CACNA2D1: variants seen among roughly 807,000 people sequenced by gnomAD.
CACNA2D1 encodes voltage-dependent calcium channel subunit alpha-2/delta-1.
In CACNA2D1, 53 loss-of-function variants were observed where a neutral mutation model predicts 171.5. The observed-to-expected ratio is 0.31, with a 90% confidence interval of 0.25 to 0.39. The LOEUF (loss-of-function observed/expected upper bound fraction) is 0.39, where lower values mean the gene tolerates loss of function less well. CACNA2D1 is among the 10% of genes least tolerant of loss of function. The probability of loss-of-function intolerance (pLI) is 1.00; values close to 1 mark genes in which losing one functional copy is unlikely to be tolerated. For missense variants in CACNA2D1, 903 were observed against 1,299.8 expected, an observed-to-expected ratio of 0.69 and a Z score of 4.69; for synonymous variants, 442 against 443.1, an observed-to-expected ratio of 1.00 and a Z score of 0.03.
chr7:82,260,342 A>G (rs1806909869), intron 3 of CACNA2D1, among the ~76,000 whole-genome samples: 2 of 152,212 alleles, frequency 1.3e-5, no homozygotes, highest in Admixed American at 1.3e-4. Flanking sequence ...TAATCTCACT[A>G]GGATCATATG....
intron 38 of CACNA2D1, among the ~76,000 whole-genome samples, chr7:81,955,173 C>A (rs965424421): frequency 3.3e-5 from 5 of 152,066 alleles, no homozygotes; most frequent in African/African-American, 1.2e-4. Context: ...TGGTATGGAG[C>A]TTCATAACTG....
intron 3 of CACNA2D1, 57 bp downstream of exon 3, chr7:82,335,078 T>A: frequency 1.8e-6 from 2 of 1,129,314 alleles, no homozygotes; most frequent in Non-Finnish European, 2.7e-6. Flanking sequence ...AGCATGAAAA[T>A]TAAATAATAG....
intron 3 of CACNA2D1, among the ~76,000 whole-genome samples, chr7:82,197,198 T>A (rs1370155378): frequency 6.6e-6 from 1 of 151,950 alleles, no homozygotes; most frequent in Non-Finnish European, 1.5e-5. Flanking sequence ...ATTAGGAACA[T>A]TGTTATTGTG....
At chr7:81,983,917 A>G (rs534278281) in intron 22 of CACNA2D1, among the ~76,000 whole-genome samples, 78 of 152,302 alleles carry the variant, frequency 5.1e-4, no homozygotes, top group African/African-American at 1.9e-3. Context: ...CCTCACAGAA[A>G]AATTTAAGGT....
At chr7:82,295,866 C>A (rs1446032953) in intron 3 of CACNA2D1, among the ~76,000 whole-genome samples, 1 of 151,940 alleles carries the variant, frequency 6.6e-6, no homozygotes, top group Non-Finnish European at 1.5e-5. Context: ...ACCCAAATGT[C>A]CAACAATGAT....
At chr7:82,265,445 G>C in intron 3 of CACNA2D1, among the ~76,000 whole-genome samples, 1 of 68,926 alleles carries the variant, frequency 1.5e-5, no homozygotes, top group South Asian at 4.5e-4. Flanking sequence ...TTTGGTGTCA[G>C]TATAATTTTT....
At chr7:82,353,236 G>T (rs1214599081) in intron 1 of CACNA2D1, among the ~76,000 whole-genome samples, 1 of 152,090 alleles carries the variant, frequency 6.6e-6, no homozygotes, top group Non-Finnish European at 1.5e-5. Flanking sequence ...AAATTCTGAA[G>T]GATGGACAGT....
chr7:82,404,267 C>T (rs1826776743), intron 1 of CACNA2D1, among the ~76,000 whole-genome samples: 1 of 152,174 alleles, frequency 6.6e-6, no homozygotes, highest in South Asian at 2.1e-4. Context: ...GCAATGAGGA[C>T]ACAGAGTGAC....
At chr7:82,212,390 G>A (rs1033957196) in intron 3 of CACNA2D1, among the ~76,000 whole-genome samples, 2 of 152,174 alleles carry the variant, frequency 1.3e-5, no homozygotes, top group African/African-American at 4.8e-5. Flanking sequence ...TATAATTGAT[G>A]CATTGAATTT....
At chr7:82,271,705 A>G (rs973145980) in intron 3 of CACNA2D1, among the ~76,000 whole-genome samples, 2 of 152,170 alleles carry the variant, frequency 1.3e-5, no homozygotes, top group Non-Finnish European at 1.5e-5. Context: ...GTTATTAATT[A>G]GAGCCAAGGA....
intron 1 of CACNA2D1, among the ~76,000 whole-genome samples, chr7:82,425,064 G>C (rs1283084689): frequency 6.6e-6 from 1 of 152,156 alleles, no homozygotes; most frequent in Non-Finnish European, 1.5e-5. Context: ...TTAATTATGT[G>C]ACGTTATGTG....
chr7:81,946,501 CA>C lies in CACNA2D1; in HGVS notation c.*3890del, dbSNP rs1792061282. On this transcript the variant is annotated 3_prime_UTR_variant, in exon 39 of 39. Transcript: ENST00000356860. ...TACTGTTTTTGCACAAGATTTAACA[CA>C]ACATTTTCTGGGATTATAAATATTT... The C allele has an allele frequency of 6.6e-6, 1 of 151,962 alleles. No individual in the cohort carries two copies. Among genetic ancestry groups the C allele is most frequent in the Non-Finnish European group, 1.5e-5 (1 of 67,994 alleles). 9.4% of individuals were successfully genotyped at this position (151,962 alleles called of 1,614,324 possible).
intron 1 of CACNA2D1, among the ~76,000 whole-genome samples, chr7:82,399,265 C>A (rs1478906310): frequency 6.6e-6 from 1 of 152,078 alleles, no homozygotes; most frequent in Non-Finnish European, 1.5e-5. Flanking sequence ...CATGACAAAA[C>A]CCTGTCTCTA....
intron 5 of CACNA2D1, among the ~76,000 whole-genome samples, chr7:82,133,304 A>C (rs1791220298): frequency 6.6e-6 from 1 of 152,222 alleles, no homozygotes; most frequent in African/African-American, 2.4e-5. Context: ...ACTTTGGCTC[A>C]GAAACTTTCA....
intron 3 of CACNA2D1, among the ~76,000 whole-genome samples, chr7:82,215,254 T>C (rs1367721576): frequency 2.6e-5 from 4 of 152,134 alleles, no homozygotes; most frequent in African/African-American, 9.7e-5. Context: ...GTTCATTTCT[T>C]CCCTGCTATA....
chr7:82,333,270 G>T (rs1259323587), intron 3 of CACNA2D1, among the ~76,000 whole-genome samples: 1 of 152,080 alleles, frequency 6.6e-6, no homozygotes, highest in African/African-American at 2.4e-5. Flanking sequence ...TAGATAAAAG[G>T]TAAAAGTTTA....
chr7:81,949,122 A>G lies in CACNA2D1; in HGVS notation c.*1270T>C, dbSNP rs1473129855. 1 of 152,038 alleles carries G rather than the reference A, an allele frequency of 6.6e-6. No individual in the cohort carries two copies. The highest frequency in any genetic ancestry group is 2.4e-5 in the African/African-American group (1 of 41,444). 9.4% of individuals were successfully genotyped at this position (152,038 alleles called of 1,614,324 possible). On this transcript the variant is annotated 3_prime_UTR_variant, in exon 39 of 39. Coordinates refer to ENST00000356860, the MANE Select transcript of CACNA2D1 (RefSeq NM_000722.4). ...CAGGAACTTTTGGATTGTATGTGCT[A>G]CTATTGAAACGAACAAAGAGGAAAC...
chr7:82,147,318 T>G (rs1163502584), intron 4 of CACNA2D1, among the ~76,000 whole-genome samples: 2 of 152,058 alleles, frequency 1.3e-5, no homozygotes, highest in African/African-American at 4.8e-5. Flanking sequence ...ATTTTGGTGT[T>G]CCAAATGATA....
At chr7:82,409,853 T>C (rs968009925) in intron 1 of CACNA2D1, among the ~76,000 whole-genome samples, 1 of 152,216 alleles carries the variant, frequency 6.6e-6, no homozygotes, top group African/African-American at 2.4e-5. Context: ...TAGAGTGTAC[T>C]TATACAAACC....
Sources: gnomAD v4.1 joint callset for allele counts (sites outside exome capture counted in the v4.1 genomes callset) on GRCh38, gnomAD v4.1.1 for gene constraint, MANE v1.5 for transcripts, NCBI Gene and HGNC (gene_info 2026-07-23, HGNC 2026-07-21) for gene names.